TET3: variants seen among roughly 807,000 people sequenced by gnomAD.
TET3 encodes the protein methylcytosine dioxygenase TET3.
TET3 carries 19 observed loss-of-function variants against 141.4 expected under a neutral mutation model. That is an observed-to-expected ratio of 0.13 (90% CI 0.09 to 0.20). The LOEUF (loss-of-function observed/expected upper bound fraction) is 0.20. TET3 is among the 10% of genes least tolerant of loss of function. The probability of loss-of-function intolerance (pLI) is 1.00; values close to 1 mark genes in which losing one functional copy is unlikely to be tolerated. For missense variants in TET3, 1,874 were observed against 2,356.9 expected (o/e 0.80, Z 4.24); for synonymous variants, 1,043 against 980.9 (o/e 1.06, Z -1.18).
At chr2:74,108,392 T>C (rs1185646374), downstream of TET3, among the ~76,000 whole-genome samples, 1 of 152,232 alleles carries the variant, frequency 6.6e-6, no homozygotes, top group African/African-American at 2.4e-5. Flanking sequence ...AGGGAGAAAA[T>C]AGAGATGGCC....
chr2:74,003,834 T>A (rs62150605), intron 3 of TET3, among the ~76,000 whole-genome samples: 71 of 134,910 alleles, frequency 5.3e-4, no homozygotes, highest in Non-Finnish European at 9.5e-4. Flanking sequence ...GCACTGAGCT[T>A]CTCCTTGTGG....
Position 74,101,409 on chromosome 2 carries a change from G to T in TET3, c.4621G>T (p.Asp1541Tyr). ...GAAGCCGTGGGCGCTGGGGGCAGGG[G>T]ATTTCAACTCGGCCCTGAAAGGTAG... ...TEKPWALGAG[D>Y]FNSALKGSPG... Residue 1541 changes from aspartate (D) to tyrosine (Y), a missense_variant, in exon 12 of 12, where the codon GAT becomes TAT. Asp to Tyr is a radical substitution (Grantham distance 160, BLOSUM62 -3). This residue lies in a region of TET3 where 602 missense variants were observed against 590.2 expected (regional missense o/e 1.02). Coordinates refer to ENST00000409262, the MANE Select transcript of TET3 (RefSeq NM_001287491.2). The surrounding 1 kb of genome is among the most constrained non-coding windows in gnomAD (Gnocchi z 8.5). 6.2e-7 allele frequency: 1 copy of T among 1,613,936 alleles called. No homozygotes were observed.
At chr2:74,130,564 T>C in the TET3 span, 2 of 152,222 alleles carry the variant, frequency 1.3e-5, no homozygotes, top group Non-Finnish European at 2.9e-5. Context: ...GAGTGTCTTA[T>C]GTAAGACATT....
At chr2:74,070,935 A>G (rs764372832) in intron 4 of TET3, among the ~76,000 whole-genome samples, 6 of 152,126 alleles carry the variant, frequency 3.9e-5, no homozygotes, top group Non-Finnish European at 8.8e-5. Flanking sequence ...TGATCATGCC[A>G]TTGCACTCCA....
At position 74,103,101 on chromosome 2, in the gene TET3, G is replaced by C. The variant is rs1691323774; in HGVS notation, c.*925G>C. 1 of 152,256 alleles carries C rather than the reference G, an allele frequency of 6.6e-6. No individual in the cohort carries two copies. The highest frequency in any genetic ancestry group is 2.1e-4 in the South Asian group (1 of 4,830). 9.4% of individuals were successfully genotyped at this position (152,256 alleles called of 1,614,324 possible). A position where few individuals can be genotyped will look rare whatever the true frequency, so the allele number is the denominator to read the frequency against. On this transcript the variant is annotated 3_prime_UTR_variant, in exon 12 of 12. Coordinates refer to ENST00000409262, the MANE Select transcript of TET3 (RefSeq NM_001287491.2). ...GGTTCTTAGGGGCCGTGCCCACCAT[G>C]TTGCCAAGCCAATGCATGCTGAGCT...
chr2:73,988,727 C>A (rs1179234779), intron 2 of TET3, among the ~76,000 whole-genome samples: 2 of 152,150 alleles, frequency 1.3e-5, no homozygotes, highest in African/African-American at 4.8e-5. Context: ...ACATGCTGAT[C>A]TGTGGAGTTC....
the TET3 span, chr2:74,121,197 G>C: frequency 6.6e-6 from 1 of 152,090 alleles, no homozygotes; most frequent in African/African-American, 2.4e-5. Context: ...GGCAGAAGAC[G>C]GCAGACTACT....
chr2:74,072,529 T>A (rs1285360703), intron 4 of TET3, among the ~76,000 whole-genome samples: 3 of 149,396 alleles, frequency 2.0e-5, no homozygotes, highest in East Asian at 1.9e-4. Context: ...AAAAAAAAAA[T>A]GTTTTCAAGG....
At chr2:74,024,016 A>G (rs1270177840) in intron 3 of TET3, among the ~76,000 whole-genome samples, 1 of 152,284 alleles carries the variant, frequency 6.6e-6, no homozygotes, top group Non-Finnish European at 1.5e-5. Context: ...TGAAGCCTCA[A>G]TTACTTTTTT....
At chr2:74,094,435 G>A (rs1409652421) in intron 10 of TET3, among the ~76,000 whole-genome samples, 1 of 152,192 alleles carries the variant, frequency 6.6e-6, no homozygotes, top group Non-Finnish European at 1.5e-5. Context: ...CCAGGGGAGG[G>A]TTGCGGGGTT....
chr2:74,005,712 C>T (rs1685118919), intron 3 of TET3, among the ~76,000 whole-genome samples: 1 of 152,164 alleles, frequency 6.6e-6, no homozygotes. Flanking sequence ...GACACATATA[C>T]GATGTGCTAA....
intron 3 of TET3, among the ~76,000 whole-genome samples, chr2:74,028,185 C>T (rs1686482069): frequency 6.6e-6 from 1 of 151,614 alleles, no homozygotes; most frequent in African/African-American, 2.4e-5. Context: ...GAGCAGGGGT[C>T]TTGCTTTGTT....
chr2:74,133,860 T>C, the TET3 span, among the ~76,000 whole-genome samples: 1 of 152,194 alleles, frequency 6.6e-6, no homozygotes, highest in Admixed American at 6.5e-5. Context: ...TTCTCCTGCC[T>C]CAGCCTCCTG....
intron 4 of TET3, among the ~76,000 whole-genome samples, chr2:74,049,487 A>G (rs1328333280): frequency 1.3e-5 from 2 of 152,132 alleles, no homozygotes; most frequent in Non-Finnish European, 2.9e-5. Flanking sequence ...GGCAGTAGTA[A>G]GCTCCAGGTC....
At chr2:74,062,799 G>A (rs1162628867) in intron 4 of TET3, among the ~76,000 whole-genome samples, 1 of 151,646 alleles carries the variant, frequency 6.6e-6, no homozygotes, top group Non-Finnish European at 1.5e-5. Flanking sequence ...GCACCAAGAA[G>A]GTTAGTAAAC....
At chr2:74,090,473 A>G (rs1690422321) in intron 8 of TET3, among the ~76,000 whole-genome samples, 1 of 152,028 alleles carries the variant, frequency 6.6e-6, no homozygotes, top group Non-Finnish European at 1.5e-5. Context: ...TTCCCAAGGT[A>G]TCTCCCACCC....
chr2:74,046,420 T>C lies in TET3; in HGVS notation c.503T>C (p.Leu168Pro), dbSNP rs1247195306. The C allele has an allele frequency of 1.3e-6, 2 of 1,587,834 alleles. No individual in the cohort carries two copies. The highest frequency in any genetic ancestry group is 2.7e-5 in the African/African-American group (2 of 74,322). The change falls in exon 4 of 12, where the codon CTG becomes CCG. Residue 168 changes from leucine to proline, a missense_variant. This residue lies in a region of TET3 where 366 missense variants were observed against 487.0 expected (regional missense o/e 0.75). Transcript: ENST00000409262. The surrounding 1 kb of genome is among the most constrained non-coding windows in gnomAD (Gnocchi z 4.3). ...GAREPAGPSL[L>P]GTGGPWRVDQ... ...AGAGAGCCCGCTGGACCCAGTCTGCTGGGGACTGGGGGTCCTTGGCGGGTA... is the reference window on the plus strand; with the variant it reads ...AGAGAGCCCGCTGGACCCAGTCTGCCGGGGACTGGGGGTCCTTGGCGGGTA...
At chr2:74,060,412 C>T (rs1043604389) in intron 4 of TET3, among the ~76,000 whole-genome samples, 5 of 151,998 alleles carry the variant, frequency 3.3e-5, no homozygotes, top group Non-Finnish European at 5.9e-5. Flanking sequence ...TAGCTGGATA[C>T]GTGTATTGCA....
chr2:74,100,998 C>A lies in TET3; in HGVS notation c.4210C>A (p.Leu1404Met). Reference protein sequence around the residue: ...RSIKQEPVDPLTQAEPVPRDA... With the variant: ...RSIKQEPVDPMTQAEPVPRDA... The stretch of plus-strand genomic sequence containing the variant: ...CATCAAGCAAGAGCCAGTAGACCCG[C>A]TGACCCAGGCTGAGCCTGTGCCCAG... The change falls in exon 12 of 12, where the codon CTG becomes ATG. Residue 1404 changes from leucine (L) to methionine (M), a missense_variant. Coordinates refer to ENST00000409262, the MANE Select transcript of TET3 (RefSeq NM_001287491.2). The A allele has an allele frequency of 6.2e-7, 1 of 1,612,930 alleles. No homozygotes were observed. Among genetic ancestry groups the A allele is most frequent in the Non-Finnish European group, 8.5e-7 (1 of 1,179,516 alleles).
Sources: gnomAD v4.1 joint callset for allele counts (sites outside exome capture counted in the v4.1 genomes callset) on GRCh38, gnomAD v4.1.1 for gene constraint, gnomAD v4.1.1 regional missense constraint, Gnocchi (gnomAD v3.1) non-coding constraint, MANE v1.5 for transcripts, NCBI Gene and HGNC (gene_info 2026-07-23, HGNC 2026-07-21) for gene names.